HIVEP3: variants seen among roughly 807,000 people sequenced by gnomAD.
The protein encoded by HIVEP3 is transcription factor HIVEP3.
A neutral mutation model predicts 152.8 loss-of-function variants in HIVEP3; 49 were observed. The observed-to-expected ratio is 0.32, with a 90% confidence interval of 0.26 to 0.41. The LOEUF is 0.41. Ranked by LOEUF, HIVEP3 falls within the 10% of genes least tolerant of loss-of-function variation. The probability of loss-of-function intolerance (pLI) is 1.00; values close to 1 mark genes in which losing one functional copy is unlikely to be tolerated. For synonymous variants in HIVEP3, 1,269 were observed against 1,289.0 expected (o/e 0.98, Z 0.33); for missense variants, 2,790 against 3,103.3 (o/e 0.90, Z 2.40).
intron 5 of HIVEP3, among the ~76,000 whole-genome samples, chr1:41,562,639 C>T (rs759178990): frequency 0.31 from 40,291 of 129,212 alleles, 6,577 homozygotes; most frequent in Non-Finnish European, 0.39. Flanking sequence ...CTCTCCCTCT[C>T]TCTCTCTTTC....
chr1:41,630,783 G>A (rs986742571), intron 2 of HIVEP3, among the ~76,000 whole-genome samples: 3 of 152,158 alleles, frequency 2.0e-5, no homozygotes, highest in African/African-American at 4.8e-5. Context: ...CTACAGACCC[G>A]TGAGCTAACA....
chr1:41,962,038 C>A (rs1645172502), intron 1 of HIVEP3, among the ~76,000 whole-genome samples: 1 of 152,234 alleles, frequency 6.6e-6, no homozygotes, highest in African/African-American at 2.4e-5. Flanking sequence ...AGTTACAAAC[C>A]CCTGAGGTAA....
At chr1:41,673,214 G>C (rs1270296117) in intron 2 of HIVEP3, among the ~76,000 whole-genome samples, 3 of 152,222 alleles carry the variant, frequency 2.0e-5, no homozygotes, top group African/African-American at 7.2e-5. Context: ...CTAACCACAG[G>C]ACAGTTGGAG....
At chr1:41,649,028 T>C (rs1645504945) in intron 2 of HIVEP3, among the ~76,000 whole-genome samples, 1 of 152,230 alleles carries the variant, frequency 6.6e-6, no homozygotes, top group South Asian at 2.1e-4. Flanking sequence ...CGAGAAGGCA[T>C]AGACCTGCTT....
intron 1 of HIVEP3, among the ~76,000 whole-genome samples, chr1:41,741,505 G>A (rs1646996099): frequency 6.6e-6 from 1 of 152,188 alleles, no homozygotes; most frequent in Non-Finnish European, 1.5e-5. Flanking sequence ...CTCGCAGGGT[G>A]CACAGTGGAA....
intron 5 of HIVEP3, among the ~76,000 whole-genome samples, chr1:41,574,866 C>T (rs1644303613): frequency 6.6e-6 from 1 of 152,232 alleles, no homozygotes; most frequent in African/African-American, 2.4e-5. Flanking sequence ...CACAAAACTT[C>T]CACAAAGCAC....
intron 1 of HIVEP3, among the ~76,000 whole-genome samples, chr1:41,719,847 T>A (rs1038185368): frequency 1.3e-5 from 2 of 152,234 alleles, no homozygotes; most frequent in Non-Finnish European, 2.9e-5. Context: ...GTTCAGTGTC[T>A]TGCCTGAGTC....
At chr1:42,004,974 C>T (rs1043651840) in intron 1 of HIVEP3, among the ~76,000 whole-genome samples, 3 of 152,196 alleles carry the variant, frequency 2.0e-5, no homozygotes, top group Non-Finnish European at 2.9e-5. Flanking sequence ...TCCTTTGCTT[C>T]GAACGGTCAA....
chr1:41,737,281 G>A (rs543584782), intron 1 of HIVEP3, among the ~76,000 whole-genome samples: 8 of 152,298 alleles, frequency 5.3e-5, no homozygotes, highest in Admixed American at 4.6e-4. Flanking sequence ...CTGGGGGACT[G>A]ATTAAGATAC....
At chr1:42,030,268 C>T (rs1393900155) in intron 1 of HIVEP3, among the ~76,000 whole-genome samples, 2 of 152,144 alleles carry the variant, frequency 1.3e-5, no homozygotes, top group African/African-American at 4.8e-5. Context: ...TTCTTTTTAG[C>T]TCATCAGCTA....
intron 1 of HIVEP3, among the ~76,000 whole-genome samples, chr1:42,015,982 T>C (rs1645520150): frequency 6.6e-6 from 1 of 152,236 alleles, no homozygotes; most frequent in African/African-American, 2.4e-5. Flanking sequence ...ACACTGTAAT[T>C]GCTGGTTGCA....
intron 2 of HIVEP3, among the ~76,000 whole-genome samples, chr1:41,690,025 T>C (rs1042059774): frequency 6.6e-6 from 1 of 152,134 alleles, no homozygotes; most frequent in African/African-American, 2.4e-5. Context: ...TCCTTGGGAG[T>C]CTCAGATCTT....
At chr1:41,852,298 A>G (rs1293503778) in intron 1 of HIVEP3, among the ~76,000 whole-genome samples, 1 of 152,266 alleles carries the variant, frequency 6.6e-6, no homozygotes, top group Non-Finnish European at 1.5e-5. Context: ...AGCCATGAGC[A>G]GGGCAGCCAA....
chr1:41,598,063 C>T (rs1644692267), intron 3 of HIVEP3, among the ~76,000 whole-genome samples: 1 of 152,232 alleles, frequency 6.6e-6, no homozygotes, highest in Non-Finnish European at 1.5e-5. Context: ...ATGAACTTAA[C>T]TCAACCTGTT....
intron 1 of HIVEP3, among the ~76,000 whole-genome samples, chr1:41,808,595 C>T (rs754575394): frequency 2.0e-5 from 3 of 152,204 alleles, no homozygotes; most frequent in Non-Finnish European, 2.9e-5. Flanking sequence ...AATGTCCTGA[C>T]CTGCACACCT....
chr1:41,645,772 T>G (rs1645449899), intron 2 of HIVEP3, among the ~76,000 whole-genome samples: 1 of 152,206 alleles, frequency 6.6e-6, no homozygotes, highest in African/African-American at 2.4e-5. Flanking sequence ...CATTCGTTCA[T>G]GCATTCAGTT....
intron 1 of HIVEP3, among the ~76,000 whole-genome samples, chr1:41,726,945 T>C (rs1413620801): frequency 2.6e-5 from 4 of 152,136 alleles, no homozygotes; most frequent in Non-Finnish European, 5.9e-5. Flanking sequence ...ACATATGGAC[T>C]CCAGAGGGCG....
intron 1 of HIVEP3, among the ~76,000 whole-genome samples, chr1:41,785,787 A>G (rs1037366161): frequency 2.0e-5 from 3 of 152,230 alleles, no homozygotes; most frequent in African/African-American, 7.2e-5. Context: ...ACCTGAGGTC[A>G]GGAGTTCAAG....
chr1:41,544,819 CT>C (rs1643653363), intron 5 of HIVEP3, among the ~76,000 whole-genome samples: 1 of 96,412 alleles, frequency 1.0e-5, no homozygotes, highest in African/African-American at 3.9e-5. Context: ...ACTACCACCT[CT>C]ACCACCACCA....
Sources: gnomAD v4.1 joint callset for allele counts (sites outside exome capture counted in the v4.1 genomes callset) on GRCh38, gnomAD v4.1.1 for gene constraint, MANE v1.5 for transcripts, NCBI Gene and HGNC (gene_info 2026-07-23, HGNC 2026-07-21) for gene names.